Variants in PLXNC1 observed in about 807,000 individuals in gnomAD.
PLXNC1 encodes the protein plexin C1, also known as plexin-C1.
Under a neutral mutation model 178.2 loss-of-function variants are expected in PLXNC1, and 75 were observed. The observed-to-expected ratio is 0.42, with a 90% confidence interval of 0.35 to 0.51. PLXNC1 has a LOEUF of 0.51. PLXNC1 is among the 20% of genes least tolerant of loss of function. PLXNC1 has a pLI of 0.02. For synonymous variants in PLXNC1, 790 were observed against 779.9 expected, an observed-to-expected ratio of 1.01 and a Z score of -0.22; for missense variants, 1,503 against 1,984.4, an observed-to-expected ratio of 0.76 and a Z score of 4.61.
intron 12 of PLXNC1, among the ~76,000 whole-genome samples, chr12:94,246,281 G>A (rs1255901430): frequency 6.6e-6 from 1 of 152,242 alleles, no homozygotes; most frequent in African/African-American, 2.4e-5. Flanking sequence ...GCCAGTGCAG[G>A]TGTGTCTGAG....
chr12:94,297,058 G>A, intron 24 of PLXNC1, 131 bp from the exon 25 acceptor site: 2 of 793,212 alleles, frequency 2.5e-6, no homozygotes, highest in Non-Finnish European at 2.2e-6. Flanking sequence ...TGTAGCTATG[G>A]AGAGCTCAAG....
chr12:94,260,032 C>G lies in PLXNC1; in HGVS notation c.3251+298C>G, dbSNP rs1463273152. Among the ~76,000 whole-genome samples, 1 of 152,174 alleles carries G rather than the reference C, an allele frequency of 6.6e-6. No homozygotes were observed. Among genetic ancestry groups the G allele is most frequent in the African/African-American group, 2.4e-5 (1 of 41,432 alleles). ...TGATTGGGAGTTTATGCAGCCTTCT[C>G]TCCATTTTAGATCATACCACCCCAA... On this transcript the variant is annotated intron_variant, in intron 19 of 30. Coordinates refer to ENST00000258526, the MANE Select transcript of PLXNC1 (RefSeq NM_005761.3). This position sits in a 1 kb window ranked among gnomAD's most constrained non-coding sequence, Gnocchi z 4.4.
intron 20 of PLXNC1, among the ~76,000 whole-genome samples, chr12:94,264,866 G>A (rs2136089007): frequency 6.6e-6 from 1 of 152,366 alleles, no homozygotes; most frequent in South Asian, 2.1e-4. Flanking sequence ...GCGTGCGCGT[G>A]TGCAGATGTG....
At chr12:94,291,867 C>CG (rs1967368661) in intron 23 of PLXNC1, among the ~76,000 whole-genome samples, 1 of 152,168 alleles carries the variant, frequency 6.6e-6, no homozygotes, top group Admixed American at 6.5e-5. Flanking sequence ...ACCCAGTGAA[C>CG]GTAGTACCCA....
In PLXNC1 at chr12:94,182,016, T is replaced by TC. The variant is rs1592740114; in HGVS notation, c.1338+441dup. On this transcript the variant is annotated intron_variant, in intron 3 of 30. Coordinates refer to ENST00000258526, the MANE Select transcript of PLXNC1 (RefSeq NM_005761.3). ...ACCAGGAAATATATGGTACTCCCCC[T>TC]CCCCCTCTTCATTTATCTTGCTGTT... 2.0e-5 allele frequency among the ~76,000 whole-genome samples: 3 copies of TC among 152,096 alleles called. No individual in the cohort carries two copies. The East Asian group carries it at 5.8e-4, about 29-fold the overall frequency.
At chr12:94,164,712 C>A (rs1474517193) in intron 1 of PLXNC1, among the ~76,000 whole-genome samples, 1 of 151,500 alleles carries the variant, frequency 6.6e-6, no homozygotes, top group African/African-American at 2.4e-5. Flanking sequence ...CACACGTACA[C>A]ACACAAACAC....
At chr12:94,304,137 T>G in intron 30 of PLXNC1, 86 bp downstream of exon 30, 2 of 870,592 alleles carry the variant, frequency 2.3e-6, no homozygotes, top group Non-Finnish European at 3.6e-6. Flanking sequence ...AGAACAGCTC[T>G]GGCATCCCAA....
At chr12:94,161,454 A>G (rs891104959) in intron 1 of PLXNC1, among the ~76,000 whole-genome samples, 8 of 152,182 alleles carry the variant, frequency 5.3e-5, no homozygotes, top group African/African-American at 1.2e-4. Flanking sequence ...TTGAAACCAC[A>G]TATTTTTTAC....
chr12:94,165,267 C>G (rs1038199877), intron 1 of PLXNC1, among the ~76,000 whole-genome samples: 2 of 152,186 alleles, frequency 1.3e-5, no homozygotes, highest in South Asian at 4.1e-4. Context: ...TTTGTGAGGA[C>G]GTTTCTCCGG....
At chr12:94,181,601 T>C (rs977832615) in intron 3 of PLXNC1, 21 bp downstream of exon 3, 4 of 1,572,264 alleles carry the variant, frequency 2.5e-6, no homozygotes, top group African/African-American at 1.4e-5. Flanking sequence ...ATACTAGTTA[T>C]TGCTTCTGAT....
At position 94,265,109 on chromosome 12, in the gene PLXNC1, G is replaced by C. The variant is rs781228949; in HGVS notation, c.3481G>C (p.Val1161Leu). ...TGTCGGAGAGCCCTTCTATTTGCTGGTGACGACTCTGAACCAGAAAATTAA... is the reference window on the plus strand; with the variant it reads ...TGTCGGAGAGCCCTTCTATTTGCTGCTGACGACTCTGAACCAGAAAATTAA... ...ETVGEPFYLLVTTLNQKINKG... is the reference protein window; with the variant it reads ...ETVGEPFYLLLTTLNQKINKG... The change falls in exon 21 of 31, where the codon GTG (valine) becomes CTG (leucine). Residue 1161 changes from valine (V) to leucine (L), a missense_variant. Transcript: ENST00000258526. 26 of 1,614,156 alleles carry C rather than the reference G, an allele frequency of 1.6e-5. 1 individual carries two copies. In the South Asian group the frequency reaches 2.6e-4, roughly 16 times the overall value.
intron 4 of PLXNC1, among the ~76,000 whole-genome samples, chr12:94,196,736 C>T (rs993039980): frequency 3.9e-5 from 6 of 152,166 alleles, no homozygotes; most frequent in Non-Finnish European, 1.5e-5. Flanking sequence ...AGACAGTGTG[C>T]ATGGGTAGAG....
intron 4 of PLXNC1, among the ~76,000 whole-genome samples, chr12:94,193,801 G>T (rs1363655857): frequency 6.6e-6 from 1 of 152,202 alleles, no homozygotes; most frequent in African/African-American, 2.4e-5. Flanking sequence ...GGACAGAGGT[G>T]TCGGTTACTG....
At chr12:94,162,602 A>G (rs1020892774) in intron 1 of PLXNC1, among the ~76,000 whole-genome samples, 4 of 152,172 alleles carry the variant, frequency 2.6e-5, no homozygotes, top group Non-Finnish European at 4.4e-5. Flanking sequence ...CTTGCACTAG[A>G]TCGGGAGGGG....
intron 5 of PLXNC1, among the ~76,000 whole-genome samples, chr12:94,212,134 C>T (rs1249724874): frequency 1.3e-5 from 2 of 151,584 alleles, no homozygotes; most frequent in Admixed American, 6.6e-5. Context: ...ATTAGCCGGG[C>T]GTGGTGGCGG....
chr12:94,161,119 G>A (rs1961367397), intron 1 of PLXNC1, among the ~76,000 whole-genome samples: 1 of 151,996 alleles, frequency 6.6e-6, no homozygotes, highest in South Asian at 2.1e-4. Context: ...TGGATTCCCT[G>A]AATTCTGTTC....
rs543658264 is a variant in PLXNC1 at position 94,148,726 on chromosome 12, A to G, written c.-246A>G. 6.6e-6 allele frequency: 1 copy of G among 151,140 alleles called. No homozygotes were observed. The highest frequency in any genetic ancestry group is 2.1e-4 in the South Asian group (1 of 4,786). The allele number at this position is 151,140 out of a possible 1,614,324, so 9.4% of individuals were successfully genotyped here. The stretch of plus-strand genomic sequence containing the variant: ...AGGAACTCTCCGGCGAAGGAGGGCG[A>G]GGAGGAAACGGTGCCGGAGCGCGCA... On this transcript the variant is annotated 5_prime_UTR_variant, in exon 1 of 31. Coordinates refer to ENST00000258526, the MANE Select transcript of PLXNC1 (RefSeq NM_005761.3). The surrounding 1 kb of genome is among the most constrained non-coding windows in gnomAD (Gnocchi z 4.8).
intron 12 of PLXNC1, among the ~76,000 whole-genome samples, chr12:94,246,035 G>T (rs961399428): frequency 7.9e-5 from 12 of 152,190 alleles, no homozygotes; most frequent in African/African-American, 2.9e-4. Context: ...CTAGGGAAAG[G>T]GGAGGATTCT....
In PLXNC1 at chr12:94,173,640, A is replaced by C. The variant is rs7979593; in HGVS notation, c.1203+4347A>C. On this transcript the variant is annotated intron_variant, in intron 2 of 30. Coordinates refer to ENST00000258526, the MANE Select transcript of PLXNC1 (RefSeq NM_005761.3). The stretch of plus-strand genomic sequence containing the variant: ...TTTTCAAGGTGCTCTGAACCAAAAT[A>C]ATCTGTCCCAGAGCCCGAGCTTCTA... Among the ~76,000 whole-genome samples the C allele has an allele frequency of 7.9e-3, 1,209 of 152,276 alleles. 11 individuals carry two copies. Among genetic ancestry groups the C allele is most frequent in the African/African-American group, 0.027 (1,137 of 41,550 alleles).
Sources: gnomAD v4.1 joint callset for allele counts (sites outside exome capture counted in the v4.1 genomes callset) on GRCh38, gnomAD v4.1.1 for gene constraint, Gnocchi (gnomAD v3.1) non-coding constraint, MANE v1.5 for transcripts, NCBI Gene and HGNC (gene_info 2026-07-23, HGNC 2026-07-21) for gene names.